The following INSC variants were observed in gnomAD, a reference collection of about 807,000 sequenced individuals.
INSC encodes the protein protein inscuteable homolog.
INSC carries 67 observed loss-of-function variants against 58.6 expected under a neutral mutation model. The ratio of observed to expected loss-of-function variants is 1.14; its 90% CI spans 0.94 to 1.40. The LOEUF (loss-of-function observed/expected upper bound fraction) is 1.40, where lower values mean the gene tolerates loss of function less well. Among genes scored for constraint, INSC ranks in the 40% most tolerant of loss-of-function variants. The probability of loss-of-function intolerance (pLI) is 0.00; values close to 1 mark genes in which losing one functional copy is unlikely to be tolerated. For missense variants in INSC, 714 were observed against 692.0 expected (o/e 1.03, Z -0.36); for synonymous variants, 262 against 276.1 (o/e 0.95, Z 0.51).
intron 1 of INSC, among the ~76,000 whole-genome samples, chr11:15,119,491 G>T (rs1484810434): frequency 6.6e-6 from 1 of 152,204 alleles, no homozygotes; most frequent in Non-Finnish European, 1.5e-5. Flanking sequence ...ATGTCTTGGG[G>T]CAGATCAGAC....
the INSC span, among the ~76,000 whole-genome samples, chr11:15,264,048 C>A: frequency 1.3e-5 from 2 of 148,788 alleles, no homozygotes; most frequent in African/African-American, 5.0e-5. Context: ...TTGAAAGGCC[C>A]CTTTAGTTAG....
At chr11:15,219,403 G>A (rs1851351682) in intron 7 of INSC, among the ~76,000 whole-genome samples, 1 of 152,170 alleles carries the variant, frequency 6.6e-6, no homozygotes, top group African/African-American at 2.4e-5. Flanking sequence ...TTTGTAATTT[G>A]TAGATGTGAA....
At chr11:15,204,300 G>A (rs956819965) in intron 7 of INSC, among the ~76,000 whole-genome samples, 3 of 152,262 alleles carry the variant, frequency 2.0e-5, no homozygotes, top group African/African-American at 7.2e-5. Context: ...AGCCCAGGCA[G>A]TAATGTAATT....
Position 15,149,244 on chromosome 11 carries a change from C to G in INSC, c.56+14C>G, listed in dbSNP as rs530096666. The stretch of plus-strand genomic sequence containing the variant: ...GCCGGGTCAGCGGTAAGTCCTACAG[C>G]TGTCACTCCAGGCCAGGCCTGCCCC... On this transcript the variant is annotated intron_variant, in intron 2 of 12. Coordinates refer to ENST00000379556, the MANE Select transcript of INSC (RefSeq NM_001042536.3). 29 of 1,574,006 alleles carry G rather than the reference C, an allele frequency of 1.8e-5. No homozygotes were observed. The highest frequency in any genetic ancestry group is 2.4e-5 in the Non-Finnish European group (28 of 1,159,950).
At chr11:15,139,064 A>G (rs1848311043) in intron 1 of INSC, among the ~76,000 whole-genome samples, 1 of 152,208 alleles carries the variant, frequency 6.6e-6, no homozygotes, top group Non-Finnish European at 1.5e-5. Context: ...ATATTTGTGA[A>G]GCTATAAGAG....
intron 2 of INSC, among the ~76,000 whole-genome samples, chr11:15,175,138 C>T (rs1175014360): frequency 6.6e-6 from 1 of 152,160 alleles, no homozygotes; most frequent in African/African-American, 2.4e-5. Context: ...TACATTACTC[C>T]TTAAGAGCCT....
At chr11:15,193,168 G>A (rs747768412) in intron 6 of INSC, among the ~76,000 whole-genome samples, 25 of 152,222 alleles carry the variant, frequency 1.6e-4, no homozygotes, top group Non-Finnish European at 2.8e-4. Flanking sequence ...GAAGCTTATG[G>A]AATTATTGGG....
intron 7 of INSC, among the ~76,000 whole-genome samples, chr11:15,205,604 C>G (rs904092072): frequency 6.6e-6 from 1 of 152,080 alleles, no homozygotes; most frequent in Non-Finnish European, 1.5e-5. Context: ...GAAGGGAGGG[C>G]TGGCATGTGG....
At chr11:15,249,144 G>C (rs1425854187), downstream of INSC, among the ~76,000 whole-genome samples, 5 of 152,114 alleles carry the variant, frequency 3.3e-5, no homozygotes, top group Non-Finnish European at 7.3e-5. Flanking sequence ...TAGTACTCTG[G>C]TAAGAGCCAG....
At chr11:15,210,465 G>T (rs1277977565) in intron 7 of INSC, among the ~76,000 whole-genome samples, 2 of 150,260 alleles carry the variant, frequency 1.3e-5, no homozygotes, top group Non-Finnish European at 2.9e-5. Context: ...AGAGAGCTGG[G>T]TGCCTGTGAA....
downstream of INSC, among the ~76,000 whole-genome samples, chr11:15,248,963 G>A (rs1206892520): frequency 1.3e-5 from 2 of 152,150 alleles, no homozygotes; most frequent in African/African-American, 4.8e-5. Context: ...TGAGATAATA[G>A]TGTTACCAAA....
At chr11:15,178,271 G>T (rs1454920155) in intron 4 of INSC, 53 bp from the exon 5 acceptor site, 7 of 1,607,666 alleles carry the variant, frequency 4.4e-6, no homozygotes, top group Middle Eastern at 1.7e-4. Context: ...CAACATTTCT[G>T]GGCTGACCAC....
rs1311367836 is a variant in INSC, at chr11:15,246,201, T to TCAAA, written c.*164_*167dup. The TCAAA allele has an allele frequency of 3.1e-6, 2 of 645,804 alleles. No individual in the cohort carries two copies. Among genetic ancestry groups the TCAAA allele is most frequent in the Non-Finnish European group, 2.5e-6 (1 of 399,918 alleles). The allele number at this position is 645,804 out of a possible 1,614,324, so 40.0% of individuals were successfully genotyped here. ...AGGACAAAATCTTAGAGCAACATCA[T>TCAAA]CAAACAGTCTTTGGTCCTTGAGAAT... On this transcript the variant is annotated 3_prime_UTR_variant, in exon 13 of 13. Transcript: ENST00000379556.
At chr11:15,243,390 G>A (rs1057138308) in intron 12 of INSC, among the ~76,000 whole-genome samples, 2 of 152,192 alleles carry the variant, frequency 1.3e-5, no homozygotes, top group Admixed American at 1.3e-4. Context: ...CAAAAAGAAT[G>A]GATTTTTCCT....
the INSC span, among the ~76,000 whole-genome samples, chr11:15,253,116 G>A: frequency 6.6e-6 from 1 of 152,168 alleles, no homozygotes; most frequent in Admixed American, 6.5e-5. Context: ...AATTACCACT[G>A]AAGTTTGATT....
the INSC span, among the ~76,000 whole-genome samples, chr11:15,255,337 A>G: frequency 6.6e-6 from 1 of 152,214 alleles, no homozygotes; most frequent in East Asian, 1.9e-4. Flanking sequence ...AGATATGAAA[A>G]TTATTTCAGG....
At chr11:15,151,644 G>A (rs555152729) in intron 2 of INSC, among the ~76,000 whole-genome samples, 29 of 152,240 alleles carry the variant, frequency 1.9e-4, no homozygotes, top group African/African-American at 7.0e-4. Flanking sequence ...TGGTGGTGCT[G>A]CTGGAACATA....
intron 5 of INSC, chr11:15,188,270 G>A (rs1454520419): frequency 1.0e-6 from 1 of 985,332 alleles, no homozygotes; most frequent in Admixed American, 6.2e-5. Flanking sequence ...TCTCCTATTT[G>A]GCAAAACTTG....
At chr11:15,237,940 G>A (rs1312606846) in intron 10 of INSC, among the ~76,000 whole-genome samples, 2 of 152,066 alleles carry the variant, frequency 1.3e-5, no homozygotes, top group East Asian at 3.9e-4. Flanking sequence ...GACACTATAT[G>A]GGGCAACAAA....
Sources: allele counts gnomAD v4.1 joint callset (sites outside exome capture counted in the v4.1 genomes callset), GRCh38; gene constraint gnomAD v4.1.1; transcripts MANE v1.5; gene names NCBI Gene and HGNC (gene_info 2026-07-23, HGNC 2026-07-21).